The following DDA1 variants were observed in gnomAD, a reference collection of about 807,000 sequenced individuals.
DDA1 encodes DET1- and DDB1-associated protein 1.
DDA1 carries 3 observed loss-of-function variants against 18.6 expected under a neutral mutation model. The observed-to-expected ratio is 0.16, with a 90% confidence interval of 0.07 to 0.42. The LOEUF (loss-of-function observed/expected upper bound fraction) is 0.42. Among genes scored for constraint, DDA1 ranks in the 10% least tolerant of loss-of-function variants. The pLI is 0.99. For synonymous variants in DDA1, 52 were observed against 54.0 expected (o/e 0.96, Z 0.17); for missense variants, 105 against 138.2 (o/e 0.76, Z 1.20).
In DDA1 at chr19:17,320,243, T is replaced by C. The variant is rs2074233802; in HGVS notation, c.*587T>C. 1 of 152,704 alleles carries C rather than the reference T, an allele frequency of 6.5e-6. No individual in the cohort carries two copies. Among genetic ancestry groups the C allele is most frequent in the Non-Finnish European group, 1.5e-5 (1 of 68,374 alleles). The allele number at this position is 152,704 out of a possible 1,614,324, so 9.5% of individuals were successfully genotyped here. ...CTCTTGAGTCATTTTATTTTTATCA[T>C]GGACTAGTGCGTGCTCCGTGTCCAC... On this transcript the variant is annotated 3_prime_UTR_variant, in exon 5 of 5. Transcript: ENST00000359866.
intron 1 of DDA1, among the ~76,000 whole-genome samples, chr19:17,313,200 A>T (rs1372613070): frequency 3.3e-5 from 5 of 152,186 alleles, no homozygotes; most frequent in African/African-American, 1.2e-4. Flanking sequence ...GGTGGGGTAC[A>T]TGTGGGTTCA....
At chr19:17,316,751 G>A (rs988578835) in intron 4 of DDA1, among the ~76,000 whole-genome samples, 6 of 151,806 alleles carry the variant, frequency 4.0e-5, no homozygotes, top group East Asian at 1.9e-4. Context: ...GCTGGTGGGC[G>A]CCTGTAGTCC....
chr19:17,316,123 C>T, intron 4 of DDA1, 128 bp downstream of exon 4: 1 of 1,049,698 alleles, frequency 9.5e-7, no homozygotes, highest in South Asian at 1.3e-5. Flanking sequence ...TAGGAGTGCC[C>T]TGGGCGATCC....
In DDA1 at chr19:17,314,131, G is replaced by A. The variant is rs1568353181; in HGVS notation, c.84+28G>A. ...GAGTGCGTGTTCCTGGGACTGGGAGGAATTGGTCACTTCCAGGGGGCCTGG... is the reference window on the plus strand; with the variant it reads ...GAGTGCGTGTTCCTGGGACTGGGAGAAATTGGTCACTTCCAGGGGGCCTGG... On this transcript the variant is annotated intron_variant, in intron 2 of 4. Transcript: ENST00000359866. The surrounding 1 kb of genome is among the most constrained non-coding windows in gnomAD (Gnocchi z 4.6). 2 of 1,611,500 alleles carry A rather than the reference G, an allele frequency of 1.2e-6. No individual in the cohort carries two copies. The highest frequency in any genetic ancestry group is 1.7e-5 in the Admixed American group (1 of 59,988).
intron 4 of DDA1, among the ~76,000 whole-genome samples, chr19:17,319,028 G>A (rs1304823680): frequency 1.3e-5 from 2 of 152,074 alleles, no homozygotes; most frequent in Admixed American, 6.6e-5. Flanking sequence ...TCTGTCTTGC[G>A]TTGATGTGCG....
At chr19:17,316,995 C>T (rs35945105) in intron 4 of DDA1, among the ~76,000 whole-genome samples, 41,602 of 151,822 alleles carry the variant, frequency 0.27, 6,063 homozygotes, top group South Asian at 0.39. Flanking sequence ...GGGAGGCCTA[C>T]GCAGGCGGAT....
chr19:17,311,446 C>T (rs111896322), intron 1 of DDA1, among the ~76,000 whole-genome samples: 4 of 152,148 alleles, frequency 2.6e-5, no homozygotes, highest in African/African-American at 7.2e-5. Flanking sequence ...TGAGCCACTG[C>T]GCCCGGCCAG....
At chr19:17,312,607 C>T (rs1177990649) in intron 1 of DDA1, among the ~76,000 whole-genome samples, 1 of 152,176 alleles carries the variant, frequency 6.6e-6, no homozygotes, top group Non-Finnish European at 1.5e-5. Context: ...CCTCCTTTAT[C>T]CCCTAAATGG....
intron 3 of DDA1, among the ~76,000 whole-genome samples, chr19:17,315,166 TGTATATACACACAC>T (rs2074198676): frequency 1.6e-5 from 1 of 63,464 alleles, no homozygotes; most frequent in African/African-American, 1.1e-4. Context: ...TATACACACG[TGTATATACACACAC>T]GTGTATACAC....
At position 17,320,851 on chromosome 19, in the gene DDA1, AG is replaced by A. The variant is rs1181681643; in HGVS notation, c.*1199del. 1 of 152,302 alleles carries A rather than the reference AG, an allele frequency of 6.6e-6. No homozygotes were observed. The highest frequency in any genetic ancestry group is 1.5e-5 in the Non-Finnish European group (1 of 68,120). 9.4% of individuals were successfully genotyped at this position (152,302 alleles called of 1,614,324 possible). On this transcript the variant is annotated 3_prime_UTR_variant, in exon 5 of 5. Coordinates refer to ENST00000359866, the MANE Select transcript of DDA1 (RefSeq NM_024050.6). ...GGTTTGGGGCTGAGCTTGGGTATGTAGGGGTGTTCGGGCTCTGGGCAGAAGG... is the reference window on the plus strand; with the variant it reads ...GGTTTGGGGCTGAGCTTGGGTATGTAGGGTGTTCGGGCTCTGGGCAGAAGG...
At position 17,319,734 on chromosome 19, in the gene DDA1, C is replaced by G; in HGVS notation, c.*78C>G. ...CCGCCTGCCCGCCATGTGTAAGCAC[C>G]CCGCCCGCCCGCCTCCCTGCCGGCC... On this transcript the variant is annotated 3_prime_UTR_variant, in exon 5 of 5. Coordinates refer to ENST00000359866, the MANE Select transcript of DDA1 (RefSeq NM_024050.6). 1.6e-6 allele frequency: 2 copies of G among 1,261,040 alleles called. No homozygotes were observed. Among genetic ancestry groups the G allele is most frequent in the Non-Finnish European group, 1.1e-6 (1 of 899,476 alleles). The allele number at this position is 1,261,040 out of a possible 1,614,324, so 78.1% of individuals were successfully genotyped here. A position where few individuals can be genotyped will look rare whatever the true frequency, so the allele number is the denominator to read the frequency against.
At chr19:17,315,789 C>A (rs916737323) in intron 3 of DDA1, 145 bp from the exon 4 acceptor site, 3 of 797,042 alleles carry the variant, frequency 3.8e-6, no homozygotes, top group African/African-American at 1.7e-5. Context: ...TGCGAGTGTG[C>A]TCAGAAGCAA....
At chr19:17,309,807 A>C in intron 1 of DDA1, 150 bp downstream of exon 1, 3 of 979,192 alleles carry the variant, frequency 3.1e-6, no homozygotes, top group African/African-American at 1.7e-5. Context: ...GTGACCTTCG[A>C]CCCCCGGACC....
In DDA1 at chr19:17,314,482, G is replaced by A. The variant is rs192716879; in HGVS notation, c.136+93G>A. Reference sequence around the variant, plus strand: ...GCACGCGGAGGTTATCTTCAACCCCGGCCCAGGCCATAGACTTGGCTTGGG... The same window carrying A: ...GCACGCGGAGGTTATCTTCAACCCCAGCCCAGGCCATAGACTTGGCTTGGG... On this transcript the variant is annotated intron_variant, in intron 3 of 4. Coordinates refer to ENST00000359866, the MANE Select transcript of DDA1 (RefSeq NM_024050.6). The surrounding 1 kb of genome is among the most constrained non-coding windows in gnomAD (Gnocchi z 4.6). 152 of 1,537,828 alleles carry A rather than the reference G, an allele frequency of 9.9e-5. No homozygotes were observed. The East Asian group carries it at 1.4e-3, about 14-fold the overall frequency.
At chr19:17,316,186 A>G (rs1568354426) in intron 4 of DDA1, among the ~76,000 whole-genome samples, 191 bp downstream of exon 4, 1 of 152,166 alleles carries the variant, frequency 6.6e-6, no homozygotes, top group Non-Finnish European at 1.5e-5. Flanking sequence ...AGGCCACAGG[A>G]CACCAGTGCT....
Position 17,314,159 on chromosome 19 carries a change from G to A in DDA1, c.84+56G>A. On this transcript the variant is annotated intron_variant, in intron 2 of 4. Coordinates refer to ENST00000359866, the MANE Select transcript of DDA1 (RefSeq NM_024050.6). This position sits in a 1 kb window ranked among gnomAD's most constrained non-coding sequence, Gnocchi z 4.6. ...TTGGTCACTTCCAGGGGGCCTGGGG[G>A]CAGCTTGTGTCCCCCGATTGGGGTC... 6.3e-7 allele frequency: 1 copy of A among 1,588,558 alleles called. No individual in the cohort carries two copies. Among genetic ancestry groups the A allele is most frequent in the African/African-American group, 1.3e-5 (1 of 74,514 alleles).
intron 1 of DDA1, 72 bp downstream of exon 1, chr19:17,309,729 G>T: frequency 6.3e-7 from 1 of 1,578,642 alleles, no homozygotes; most frequent in Non-Finnish European, 8.6e-7. Context: ...CCCACCTCTA[G>T]TATCCCCCTA....
At chr19:17,316,364 G>C (rs1361970548) in intron 4 of DDA1, among the ~76,000 whole-genome samples, 1 of 152,100 alleles carries the variant, frequency 6.6e-6, no homozygotes, top group Non-Finnish European at 1.5e-5. Flanking sequence ...GGCGGATCAC[G>C]AGGTCAGGAG....
In DDA1 at chr19:17,309,669, C is replaced by T; in HGVS notation, c.3+12C>T. On this transcript the variant is annotated intron_variant, in intron 1 of 4. Transcript: ENST00000359866. Reference sequence around the variant, plus strand: ...GGAAACAGAAGATGGTGAGGATGGCCTCCAGGCCCCCACTCCCCCTCTGCT... The same window carrying T: ...GGAAACAGAAGATGGTGAGGATGGCTTCCAGGCCCCCACTCCCCCTCTGCT... 1 of 1,612,604 alleles carries T rather than the reference C, an allele frequency of 6.2e-7. No individual in the cohort carries two copies. The highest frequency in any genetic ancestry group is 8.5e-7 in the Non-Finnish European group (1 of 1,179,144).
Sources: allele counts gnomAD v4.1 joint callset (sites outside exome capture counted in the v4.1 genomes callset), GRCh38; gene constraint gnomAD v4.1.1; non-coding constraint Gnocchi (gnomAD v3.1); transcripts MANE v1.5; gene names NCBI Gene and HGNC (gene_info 2026-07-23, HGNC 2026-07-21).